MAP3K1: variants seen among roughly 807,000 people sequenced by gnomAD.
MAP3K1 encodes the protein MAP/ERK kinase kinase 1.
In MAP3K1, 36 loss-of-function variants were observed where a neutral mutation model predicts 144.2. The observed-to-expected ratio is 0.25, with a 90% CI of 0.19 to 0.33. MAP3K1 has a LOEUF of 0.33. MAP3K1 is among the 10% of genes least tolerant of loss of function. MAP3K1 has a pLI of 1.00. For synonymous variants in MAP3K1, 718 were observed against 688.7 expected, an observed-to-expected ratio of 1.04 and a Z score of -0.67; for missense variants, 1,650 against 1,881.9, an observed-to-expected ratio of 0.88 and a Z score of 2.28.
Position 56,866,148 on chromosome 5 carries a change from C to T in MAP3K1, c.1301+171C>T, listed in dbSNP as rs865570. Among the ~76,000 whole-genome samples, 75,306 of 152,018 alleles carry T rather than the reference C, an allele frequency of 0.5. 21,136 individuals are homozygous for T. The highest frequency in any genetic ancestry group is 0.65 in the Non-Finnish European group (44,073 of 67,968). The stretch of plus-strand genomic sequence containing the variant: ...TAAAAGTTCGCTGGGCATGGTGGCT[C>T]GTGCCTGTAATCCCAGCACCTTGGG... On this transcript the variant is annotated intron_variant, in intron 6 of 19. Transcript: ENST00000399503.
intron 1 of MAP3K1, among the ~76,000 whole-genome samples, chr5:56,824,541 C>T (rs1237572061): frequency 1.3e-5 from 2 of 152,210 alleles, no homozygotes; most frequent in Non-Finnish European, 2.9e-5. Flanking sequence ...CAAAACATTG[C>T]AGTCGGGGGC....
intron 6 of MAP3K1, among the ~76,000 whole-genome samples, chr5:56,869,440 A>C (rs930260791): frequency 2.6e-5 from 4 of 152,156 alleles, no homozygotes; most frequent in African/African-American, 9.7e-5. Flanking sequence ...TGTACACTTA[A>C]AAATGGTTAA....
At chr5:56,890,033 G>T (rs920137271) in intron 19 of MAP3K1, among the ~76,000 whole-genome samples, 1 of 151,930 alleles carries the variant, frequency 6.6e-6, no homozygotes, top group African/African-American at 2.4e-5. Context: ...TCCTGCTTGG[G>T]CACCCCCTTT....
intron 5 of MAP3K1, 47 bp downstream of exon 5, chr5:56,865,503 G>C (rs1481621144): frequency 9.4e-7 from 1 of 1,060,352 alleles, no homozygotes; most frequent in South Asian, 1.3e-5. Context: ...CATATTCTTA[G>C]GATATATTCT....
intron 1 of MAP3K1, among the ~76,000 whole-genome samples, chr5:56,852,605 TTTA>T (rs1747209380): frequency 6.6e-6 from 1 of 152,254 alleles, no homozygotes; most frequent in Admixed American, 6.5e-5. Flanking sequence ...CACAATTTTA[TTTA>T]TTTTTAAGTC....
intron 19 of MAP3K1, among the ~76,000 whole-genome samples, chr5:56,892,976 T>TAAGA (rs1748592563): frequency 1.3e-5 from 2 of 150,306 alleles, no homozygotes; most frequent in Non-Finnish European, 3.0e-5. Flanking sequence ...TCTTTTTTTT[T>TAAGA]AAAAAAAAAG....
chr5:56,830,197 A>T (rs918177582), intron 1 of MAP3K1, among the ~76,000 whole-genome samples: 3 of 152,206 alleles, frequency 2.0e-5, no homozygotes, highest in Admixed American at 2.0e-4. Flanking sequence ...AGGATGCCCC[A>T]GAATACCGAT....
chr5:56,859,675 T>C (rs1430574100), intron 2 of MAP3K1, 40 bp from the exon 3 acceptor site: 1 of 1,445,404 alleles, frequency 6.9e-7, no homozygotes, highest in East Asian at 2.4e-5. Context: ...TTACCTTTTA[T>C]ATTTTTAAGT....
chr5:56,825,482 A>G (rs950883884), intron 1 of MAP3K1, among the ~76,000 whole-genome samples: 2 of 152,166 alleles, frequency 1.3e-5, no homozygotes, highest in African/African-American at 4.8e-5. Context: ...AGAATCCTGC[A>G]TACAACTTTC....
Position 56,815,682 on chromosome 5 carries a change from C to G in MAP3K1, c.109C>G (p.Pro37Ala), listed in dbSNP as rs2111725606. ...GGGALKASSA[P>A]AAAAGLLREA... Reference sequence around the variant, plus strand: ...AGGAGCCCTCAAGGCGAGCAGCGCGCCCGCGGCTGCCGCGGGACTGCTGCG... The same window carrying G: ...AGGAGCCCTCAAGGCGAGCAGCGCGGCCGCGGCTGCCGCGGGACTGCTGCG... The change falls in exon 1 of 20, where the codon CCC becomes GCC. Residue 37 changes from proline to alanine, a missense_variant. Coordinates refer to ENST00000399503, the MANE Select transcript of MAP3K1 (RefSeq NM_005921.2). The G allele has an allele frequency of 7.7e-7, 1 of 1,303,370 alleles. No homozygotes were observed. 80.7% of individuals were successfully genotyped at this position (1,303,370 alleles called of 1,614,324 possible).
intron 1 of MAP3K1, among the ~76,000 whole-genome samples, chr5:56,834,339 T>TCTA (rs1209653396): frequency 6.6e-6 from 1 of 152,202 alleles, no homozygotes; most frequent in Non-Finnish European, 1.5e-5. Context: ...CTCTAGCTAG[T>TCTA]TATTGATTAC....
chr5:56,887,403 T>C lies in MAP3K1; in HGVS notation c.4140T>C (p.Thr1380=). The change falls in exon 18 of 20, where the codon ACT becomes ACC. Residue 1380 remains threonine, a synonymous_variant. Transcript: ENST00000399503. ...VKGANLLIDS[T]GQRLRIADFG... ...GTGCCAATTTGCTAATTGACAGCAC[T>C]GGTCAGAGACTAAGAATTGCAGATT... 6.2e-7 allele frequency: 1 copy of C among 1,614,214 alleles called. No homozygotes were observed.
rs142865337 is a variant in MAP3K1 at position 56,868,877 on chromosome 5, G to C, written c.1301+2900G>C. On this transcript the variant is annotated intron_variant, in intron 6 of 19. Coordinates refer to ENST00000399503, the MANE Select transcript of MAP3K1 (RefSeq NM_005921.2). Reference sequence around the variant, plus strand: ...TATACACATAGTGGAATATTACTCAGCTTTACAAAGGAAGGAAGTGTGCTA... The same window carrying C: ...TATACACATAGTGGAATATTACTCACCTTTACAAAGGAAGGAAGTGTGCTA... Among the ~76,000 whole-genome samples the C allele has an allele frequency of 7.2e-3, 1,096 of 152,140 alleles. 20 individuals carry two copies. The highest frequency in any genetic ancestry group is 0.024 in the African/African-American group (997 of 41,468).
rs1404916353 is a variant in MAP3K1, at chr5:56,815,766, G to A, written c.193G>A (p.Val65Met). The A allele has an allele frequency of 1.5e-5, 21 of 1,399,902 alleles. No homozygotes were observed. The highest frequency in any genetic ancestry group is 3.0e-5 in the African/African-American group (2 of 67,310). The allele number at this position is 1,399,902 out of a possible 1,614,324, so 86.7% of individuals were successfully genotyped here. A position where few individuals can be genotyped will look rare whatever the true frequency, so the allele number is the denominator to read the frequency against. Residue 65 changes from valine (V) to methionine (M), a missense_variant, in exon 1 of 20, where the codon GTG becomes ATG. Coordinates refer to ENST00000399503, the MANE Select transcript of MAP3K1 (RefSeq NM_005921.2). ...CTGGCGGCGGCGGCAGCTGCGCAAA[G>A]TGCGGAGTGTGGAGCTGGACCAGCT... ...ADWRRRQLRK[V>M]RSVELDQLPE...
chr5:56,844,292 G>C (rs1430580592), intron 1 of MAP3K1, among the ~76,000 whole-genome samples: 1 of 137,160 alleles, frequency 7.3e-6, no homozygotes, highest in African/African-American at 2.7e-5. Context: ...CCATTCTCCA[G>C]CCTCAGCCTC....
intron 3 of MAP3K1, among the ~76,000 whole-genome samples, chr5:56,863,636 T>C (rs1747586197): frequency 6.6e-6 from 1 of 152,238 alleles, no homozygotes; most frequent in Non-Finnish European, 1.5e-5. Flanking sequence ...ACATATATTC[T>C]CATTTCTCTT....
At chr5:56,837,158 C>G (rs1397140320) in intron 1 of MAP3K1, among the ~76,000 whole-genome samples, 5 of 151,806 alleles carry the variant, frequency 3.3e-5, no homozygotes, top group African/African-American at 4.8e-5. Context: ...CTTTCTTCCT[C>G]TTGGGTTGCT....
chr5:56,830,315 T>C (rs1746447675), intron 1 of MAP3K1, among the ~76,000 whole-genome samples: 1 of 152,238 alleles, frequency 6.6e-6, no homozygotes, highest in African/African-American at 2.4e-5. Context: ...GAGTAGAAGA[T>C]ACTGTTGGCC....
intron 1 of MAP3K1, among the ~76,000 whole-genome samples, chr5:56,845,983 G>C (rs1291353812): frequency 6.6e-6 from 1 of 152,190 alleles, no homozygotes; most frequent in Non-Finnish European, 1.5e-5. Context: ...CTAGTATTTA[G>C]AAGTACTGTT....
Sources: gnomAD v4.1 joint callset for allele counts (sites outside exome capture counted in the v4.1 genomes callset) on GRCh38, gnomAD v4.1.1 for gene constraint, MANE v1.5 for transcripts, NCBI Gene and HGNC (gene_info 2026-07-23, HGNC 2026-07-21) for gene names.